Variants in CD3D observed in about 807,000 individuals in gnomAD.
The protein encoded by CD3D is CD3 delta subunit of T-cell receptor complex, also known as T-cell surface glycoprotein CD3 delta chain.
Under a neutral mutation model 22.0 loss-of-function variants are expected in CD3D, and 22 were observed. The observed-to-expected ratio is 1.00, with a 90% CI of 0.71 to 1.43. CD3D has a LOEUF of 1.43. Among genes scored for constraint, CD3D ranks in the 40% most tolerant of loss-of-function variants. The pLI is 0.00. For synonymous variants in CD3D, 74 were observed against 81.2 expected (o/e 0.91, Z 0.48); for missense variants, 205 against 211.7 (o/e 0.97, Z 0.20).
chr11:118,339,709 T>TACACACACACACACAC, intron 3 of CD3D, 66 bp downstream of exon 3: 1 of 1,538,258 alleles, frequency 6.5e-7, no homozygotes, highest in Non-Finnish European at 8.8e-7. Flanking sequence ...AGCTCACTGG[T>TACACACACACACACAC]ACACACACAC....
Position 118,339,153 on chromosome 11 carries a change from G to T in CD3D, c.*9C>A. 1.2e-6 allele frequency: 2 copies of T among 1,612,760 alleles called. No individual in the cohort carries two copies. The highest frequency in any genetic ancestry group is 1.7e-6 in the Non-Finnish European group (2 of 1,178,756). On this transcript the variant is annotated 3_prime_UTR_variant, in exon 5 of 5. Coordinates refer to ENST00000300692, the MANE Select transcript of CD3D (RefSeq NM_000732.6). ...TAATGGCTGCTTCTAGAAGCCACCA[G>T]TCTCAGGTTCACTTGTTCCGAGCCC...
intron 1 of CD3D, 34 bp downstream of exon 1, chr11:118,342,519 G>A (rs1461118997): frequency 1.3e-6 from 2 of 1,598,968 alleles, no homozygotes; most frequent in East Asian, 2.2e-5. Context: ...GTCCCTCTCA[G>A]GTCCCTTCCC....
intron 1 of CD3D, among the ~76,000 whole-genome samples, chr11:118,341,257 G>GA (rs1446304465): frequency 3.9e-5 from 6 of 152,206 alleles, no homozygotes; most frequent in East Asian, 1.9e-4. Context: ...AGGAGAACAG[G>GA]AAAAAAATTT....
intron 1 of CD3D, among the ~76,000 whole-genome samples, chr11:118,341,295 C>T (rs1948297854): frequency 6.6e-6 from 1 of 152,182 alleles, no homozygotes; most frequent in Non-Finnish European, 1.5e-5. Flanking sequence ...GAGCTCCTCA[C>T]AAGTCAAGTC....
chr11:118,340,782 G>A, intron 1 of CD3D, 189 bp from the exon 2 acceptor site: 1 of 687,894 alleles, frequency 1.5e-6, no homozygotes, highest in Non-Finnish European at 2.7e-6. Context: ...GGGGTCAAGG[G>A]GGACATGAGG....
chr11:118,339,511 G>A lies in CD3D; in HGVS notation c.407-17C>T, dbSNP rs561152121. On this transcript the variant is annotated splice_polypyrimidine_tract_variant and intron_variant, in intron 3 of 4. Transcript: ENST00000300692. ...TGTCGGCAGCTAGAAGAACCAGAGA[G>A]AGACATCAATGGCCTAGCAGATGGG... is the stretch of plus-strand genomic sequence containing the variant. The A allele has an allele frequency of 2.3e-5, 37 of 1,614,110 alleles. No individual in the cohort carries two copies. In the East Asian group the frequency reaches 7.1e-4, roughly 31 times the overall value.
chr11:118,339,857 A>G lies in CD3D; in HGVS notation c.324T>C (p.Ile108=). The G allele has an allele frequency of 6.2e-7, 1 of 1,614,024 alleles. No homozygotes were observed. The highest frequency in any genetic ancestry group is 1.7e-5 in the Admixed American group (1 of 60,004). The stretch of plus-strand genomic sequence containing the variant: ...GCAGAGTGGCAATGACATCAGTGAC[A>G]ATGATGCCAGCCACGGTGGCTGGAT... ...ELDPATVAGI[I]VTDVIATLLL... is the part of the protein sequence containing the mutation. Residue 108 remains isoleucine, a synonymous_variant, in exon 3 of 5, where the codon ATT becomes ATC. Transcript: ENST00000300692.
chr11:118,341,416 GC>G (rs1336986238), intron 1 of CD3D, among the ~76,000 whole-genome samples: 1 of 152,212 alleles, frequency 6.6e-6, no homozygotes, highest in African/African-American at 2.4e-5. Context: ...TACAGTCTAT[GC>G]CTCCAAACAC....
At chr11:118,339,751 C>G (rs369069455) in intron 3 of CD3D, 24 bp downstream of exon 3, 2 of 1,612,972 alleles carry the variant, frequency 1.2e-6, no homozygotes, top group Non-Finnish European at 1.7e-6. Flanking sequence ...CAAACACACT[C>G]TCATGCTCTG....
At chr11:118,341,097 C>T (rs759698235) in intron 1 of CD3D, among the ~76,000 whole-genome samples, 1 of 152,218 alleles carries the variant, frequency 6.6e-6, no homozygotes, top group East Asian at 1.9e-4. Context: ...ACCAAGAAAG[C>T]GGGGCTCTCA....
intron 3 of CD3D, 79 bp from the exon 4 acceptor site, chr11:118,339,573 G>T: frequency 6.3e-7 from 1 of 1,582,258 alleles, no homozygotes; most frequent in African/African-American, 1.3e-5. Context: ...TCAGAAGTCT[G>T]CATGAGTGAT....
chr11:118,342,252 C>G (rs976302254), intron 1 of CD3D, among the ~76,000 whole-genome samples: 1 of 151,880 alleles, frequency 6.6e-6, no homozygotes, highest in Non-Finnish European at 1.5e-5. Flanking sequence ...CTCACTGAAG[C>G]CTTGAAATCC....
chr11:118,340,730 A>G, intron 1 of CD3D, 137 bp from the exon 2 acceptor site: 1 of 735,138 alleles, frequency 1.4e-6, no homozygotes, highest in South Asian at 1.5e-5. Flanking sequence ...GAGAGACAGA[A>G]GTCACAAGAA....
intron 1 of CD3D, among the ~76,000 whole-genome samples, chr11:118,341,894 AC>A (rs1245353413): frequency 6.6e-6 from 1 of 152,332 alleles, no homozygotes; most frequent in South Asian, 2.1e-4. Flanking sequence ...TCATGGCCAA[AC>A]AAACAAGAGT....
intron 3 of CD3D, 125 bp downstream of exon 3, chr11:118,339,650 C>A: frequency 1.3e-6 from 2 of 1,564,416 alleles, no homozygotes; most frequent in East Asian, 4.6e-5. Context: ...AGAGTAACTC[C>A]CAGCTGAGAC....
Position 118,339,839 on chromosome 11 carries a change from G to A in CD3D, c.342C>T (p.Ala114=), listed in dbSNP as rs201721807. 24 of 1,613,808 alleles carry A rather than the reference G, an allele frequency of 1.5e-5. No individual in the cohort carries two copies. In the African/African-American group the frequency reaches 2.7e-4, roughly 18 times the overall value. ...AGACTCCCAAAGCAAGGAGCAGAGT[G>A]GCAATGACATCAGTGACAATGATGC... ...VAGIIVTDVI[A]TLLLALGVFC... is the part of the protein sequence containing the mutation. The change falls in exon 3 of 5, where the codon GCC becomes GCT. Residue 114 remains alanine, a synonymous_variant. Coordinates refer to ENST00000300692, the MANE Select transcript of CD3D (RefSeq NM_000732.6).
intron 1 of CD3D, among the ~76,000 whole-genome samples, chr11:118,342,100 T>C (rs1381244734): frequency 6.6e-6 from 1 of 151,974 alleles, no homozygotes; most frequent in Non-Finnish European, 1.5e-5. Context: ...TTTCCCAGAC[T>C]CTATGCTACA....
chr11:118,339,314 C>A, intron 4 of CD3D, 87 bp from the exon 5 acceptor site: 1 of 1,484,948 alleles, frequency 6.7e-7, no homozygotes, highest in Non-Finnish European at 9.4e-7. Context: ...ATGAGAGCTC[C>A]TGCCTGACCT....
rs1434093431 is a variant in CD3D at position 118,339,711 on chromosome 11, C to T, written c.406+64G>A. On this transcript the variant is annotated intron_variant, in intron 3 of 4. Coordinates refer to ENST00000300692, the MANE Select transcript of CD3D (RefSeq NM_000732.6). ...TAGCTGGTGCATAAGCTCACTGGTA[C>T]ACACACACACACACACACACACACA... is the stretch of plus-strand genomic sequence containing the variant. The T allele has an allele frequency of 5.2e-5, 24 of 464,888 alleles. No individual in the cohort carries two copies. In the Middle Eastern group the frequency reaches 3.0e-3, roughly 59 times the overall value. The allele number at this position is 464,888 out of a possible 1,614,324, so 28.8% of individuals were successfully genotyped here.
Sources: allele counts gnomAD v4.1 joint callset (sites outside exome capture counted in the v4.1 genomes callset), GRCh38; gene constraint gnomAD v4.1.1; transcripts MANE v1.5; gene names NCBI Gene and HGNC (gene_info 2026-07-23, HGNC 2026-07-21).